The following CSMD2 variants were observed in gnomAD, a reference collection of about 807,000 sequenced individuals.
CSMD2 encodes CUB and sushi domain-containing protein 2.
A neutral mutation model predicts 398.5 loss-of-function variants in CSMD2; 130 were observed. The ratio of observed to expected loss-of-function variants is 0.33; its 90% CI spans 0.28 to 0.38. CSMD2 has a LOEUF of 0.38. CSMD2 is among the 10% of genes least tolerant of loss of function. The probability of loss-of-function intolerance (pLI) is 1.00; values close to 1 mark genes in which losing one functional copy is unlikely to be tolerated. For synonymous variants in CSMD2, 1,828 were observed against 1,908.5 expected, an observed-to-expected ratio of 0.96 and a Z score of 1.10; for missense variants, 3,829 against 4,764.9, an observed-to-expected ratio of 0.80 and a Z score of 5.78.
intron 10 of CSMD2, among the ~76,000 whole-genome samples, chr1:33,801,801 GC>G (rs1173261732): frequency 6.6e-6 from 1 of 152,202 alleles, no homozygotes; most frequent in Non-Finnish European, 1.5e-5. Context: ...GACCAGATGT[GC>G]CCAGACAGGT....
intron 64 of CSMD2, among the ~76,000 whole-genome samples, chr1:33,528,011 A>G (rs1654938182): frequency 6.6e-6 from 1 of 151,962 alleles, no homozygotes. Context: ...GCATGAAGGA[A>G]GAACTTCTAC....
intron 37 of CSMD2, among the ~76,000 whole-genome samples, chr1:33,621,498 G>A (rs1336324052): frequency 6.6e-6 from 1 of 152,140 alleles, no homozygotes; most frequent in Non-Finnish European, 1.5e-5. Context: ...CCAGCACAGT[G>A]CCTGGCATGT....
At chr1:33,640,898 C>T (rs1643067243) in intron 29 of CSMD2, among the ~76,000 whole-genome samples, 1 of 152,144 alleles carries the variant, frequency 6.6e-6, no homozygotes, top group Non-Finnish European at 1.5e-5. Context: ...CCGTAGCTTC[C>T]AGGCCCACAG....
At chr1:33,690,666 G>T (rs1344173843) in intron 25 of CSMD2, among the ~76,000 whole-genome samples, 1 of 152,120 alleles carries the variant, frequency 6.6e-6, no homozygotes, top group African/African-American at 2.4e-5. Context: ...TTATGTTCTC[G>T]ATCCACTCAT....
At chr1:34,063,750 C>A (rs1654790625) in intron 2 of CSMD2, among the ~76,000 whole-genome samples, 2 of 152,346 alleles carry the variant, frequency 1.3e-5, no homozygotes, top group South Asian at 2.1e-4. Flanking sequence ...CACAGCTCCA[C>A]TAGATGGAGC....
At chr1:33,772,531 G>GT (rs1651420026) in intron 13 of CSMD2, 38 bp downstream of exon 13, 1 of 1,586,554 alleles carries the variant, frequency 6.3e-7, no homozygotes, top group African/African-American at 1.3e-5. Context: ...CTGCCTCTCA[G>GT]TGAAGACCCT....
intron 2 of CSMD2, among the ~76,000 whole-genome samples, chr1:34,038,906 G>A (rs1651495082): frequency 6.6e-6 from 1 of 152,012 alleles, no homozygotes; most frequent in African/African-American, 2.4e-5. Context: ...CCCTTCCTTC[G>A]TACACCTGTG....
intron 16 of CSMD2, among the ~76,000 whole-genome samples, chr1:33,726,270 C>T (rs144081789): frequency 6.6e-6 from 1 of 152,130 alleles, no homozygotes; most frequent in Non-Finnish European, 1.5e-5. Flanking sequence ...CCCACTCCCC[C>T]TCCTTGGGGG....
intron 39 of CSMD2, among the ~76,000 whole-genome samples, chr1:33,615,510 C>A (rs1641326163): frequency 1.3e-5 from 2 of 152,282 alleles, no homozygotes; most frequent in Admixed American, 1.3e-4. Flanking sequence ...CACAATCCCA[C>A]CTTCACTTCC....
At chr1:33,622,105 G>A (rs551602719) in intron 37 of CSMD2, 62 bp downstream of exon 37, 101 of 1,205,042 alleles carry the variant, frequency 8.4e-5, no homozygotes, top group Non-Finnish European at 1.1e-4. Flanking sequence ...TGCTCAGAAG[G>A]GGCTCAGCAA....
At chr1:33,926,681 T>C (rs551872988) in intron 4 of CSMD2, among the ~76,000 whole-genome samples, 83 of 152,304 alleles carry the variant, frequency 5.4e-4, no homozygotes, top group African/African-American at 1.9e-3. Context: ...AAAATATTCA[T>C]TTACACTTTC....
At chr1:33,691,680 T>C (rs1371118582) in intron 25 of CSMD2, among the ~76,000 whole-genome samples, 1 of 152,202 alleles carries the variant, frequency 6.6e-6, no homozygotes, top group Non-Finnish European at 1.5e-5. Flanking sequence ...CTCCTGATGG[T>C]GTCTCCCCAT....
At chr1:34,106,585 TC>T (rs1387822485) in intron 1 of CSMD2, among the ~76,000 whole-genome samples, 1 of 151,856 alleles carries the variant, frequency 6.6e-6, no homozygotes, top group African/African-American at 2.4e-5. Flanking sequence ...CAGGACATAC[TC>T]TCAAAGCTAT....
At chr1:33,801,362 T>G (rs1194446238) in intron 10 of CSMD2, among the ~76,000 whole-genome samples, 1 of 152,182 alleles carries the variant, frequency 6.6e-6, no homozygotes, top group Non-Finnish European at 1.5e-5. Context: ...GTAGGGGGCA[T>G]CAAGGCAGGT....
chr1:33,872,961 C>T (rs1245319292), intron 5 of CSMD2, among the ~76,000 whole-genome samples: 1 of 152,178 alleles, frequency 6.6e-6, no homozygotes, highest in Non-Finnish European at 1.5e-5. Context: ...GGACCAGTGA[C>T]GCCTTTGTTC....
rs555513877 is a variant in CSMD2 at position 33,948,727 on chromosome 1, T to C, written c.518-12773A>G. On this transcript the variant is annotated intron_variant, in intron 3 of 70. Transcript: ENST00000373381. The stretch of plus-strand genomic sequence containing the variant: ...GAACAGCCCTCAGAAGCCAGTGTTA[T>C]ATCACACACTCATGGGGCCTGCCTG... Among the ~76,000 whole-genome samples, 3 of 152,360 alleles carry C rather than the reference T, an allele frequency of 2.0e-5. No individual in the cohort carries two copies. In the South Asian group the frequency reaches 6.2e-4, roughly 32 times the overall value.
chr1:34,052,022 A>G (rs1653227590), intron 2 of CSMD2, among the ~76,000 whole-genome samples: 1 of 152,086 alleles, frequency 6.6e-6, no homozygotes, highest in South Asian at 2.1e-4. Flanking sequence ...ACTGTCTTCA[A>G]CCGGGGGTAT....
In CSMD2 at chr1:33,626,490, G is replaced by A. The variant is rs1372235309; in HGVS notation, c.5292C>T (p.Tyr1764=). ...CGGCGTCCATGTCCTCCATACCTTG[G>A]TAGACAAAGTGGAAGCCTCTGGCTG... is the stretch of plus-strand genomic sequence containing the variant. ...LAPARGFHFV[Y]QAVPRTSATQ... Residue 1764 remains tyrosine, a synonymous_variant, in exon 33 of 71, where the codon TAC becomes TAT. Transcript: ENST00000373381. The A allele has an allele frequency of 1.9e-6, 3 of 1,604,060 alleles. No individual in the cohort carries two copies. The highest frequency in any genetic ancestry group is 2.6e-6 in the Non-Finnish European group (3 of 1,175,814).
chr1:34,002,669 A>T (rs1287315501), intron 3 of CSMD2, among the ~76,000 whole-genome samples: 1 of 152,148 alleles, frequency 6.6e-6, no homozygotes, highest in Non-Finnish European at 1.5e-5. Flanking sequence ...AAATTTTCCC[A>T]TGTTCTTTGG....
Sources: allele counts gnomAD v4.1 joint callset (sites outside exome capture counted in the v4.1 genomes callset), GRCh38; gene constraint gnomAD v4.1.1; transcripts MANE v1.5; gene names NCBI Gene and HGNC (gene_info 2026-07-23, HGNC 2026-07-21).